LAMA2: variants seen among roughly 807,000 people sequenced by gnomAD.
The protein encoded by LAMA2 is laminin subunit alpha-2.
Under a neutral mutation model 364.8 loss-of-function variants are expected in LAMA2, and 269 were observed. The observed-to-expected ratio is 0.74, with a 90% CI of 0.67 to 0.82. The LOEUF is 0.82. Among genes scored for constraint, LAMA2 ranks in the 40% least tolerant of loss-of-function variants. The pLI is 0.00. For missense variants in LAMA2, 3,807 were observed against 3,873.2 expected (o/e 0.98, Z 0.45); for synonymous variants, 1,379 against 1,370.6 (o/e 1.01, Z -0.14).
At position 129,481,303 on chromosome 6, in the gene LAMA2, A is replaced by C; in HGVS notation, c.7613A>C (p.Glu2538Ala). 1 of 1,613,802 alleles carries C rather than the reference A, an allele frequency of 6.2e-7. No individual in the cohort carries two copies. Among genetic ancestry groups the C allele is most frequent in the Non-Finnish European group, 8.5e-7 (1 of 1,179,836 alleles). ...TVSFPKPGFVELSPVPIDVGT... is the reference protein window; with the variant it reads ...TVSFPKPGFVALSPVPIDVGT... ...AGCTTTCCTAAGCCTGGTTTTGTGG[A>C]GCTCTCCCCTGTGCCAATTGATGTA... The change falls in exon 55 of 65, where the codon GAG becomes GCG. Residue 2538 changes from glutamate (E) to alanine (A), a missense_variant. Around this residue, in one of 3 missense-constraint regions of LAMA2, gnomAD observed 3,333 missense variants for 3,345.7 expected, o/e 1.00. Transcript: ENST00000421865.
chr6:129,460,154 T>C, intron 48 of LAMA2, 46 bp from the exon 49 acceptor site: 3 of 1,593,926 alleles, frequency 1.9e-6, no homozygotes, highest in Admixed American at 1.7e-5. Context: ...CCAAGATTAT[T>C]TGTGAAATTC....
In LAMA2 at chr6:129,009,922, A is replaced by C. The variant is rs577825757; in HGVS notation, c.113-39996A>C. ...CACCTCTGCTTTTGAAGGATATTAA[A>C]GGTGAGATTAAAAATGCTCCAGTTG... On this transcript the variant is annotated intron_variant, in intron 1 of 64. Transcript: ENST00000421865. Among the ~76,000 whole-genome samples, 29 of 152,298 alleles carry C rather than the reference A, an allele frequency of 1.9e-4. No individual in the cohort carries two copies. The South Asian group carries it at 5.8e-3, about 30-fold the overall frequency.
chr6:129,167,614 A>G (rs535298461), intron 9 of LAMA2, among the ~76,000 whole-genome samples: 3 of 152,242 alleles, frequency 2.0e-5, no homozygotes, highest in South Asian at 2.1e-4. Context: ...TAATGCCGCA[A>G]TAAACATACG....
chr6:129,326,466 T>A (rs911217442), intron 28 of LAMA2, among the ~76,000 whole-genome samples: 2 of 152,082 alleles, frequency 1.3e-5, no homozygotes, highest in Admixed American at 1.3e-4. Flanking sequence ...AATTCCTCGA[T>A]GAGGAGTATT....
At chr6:129,363,239 G>T (rs930492448) in intron 32 of LAMA2, among the ~76,000 whole-genome samples, 2 of 152,148 alleles carry the variant, frequency 1.3e-5, no homozygotes, top group Non-Finnish European at 2.9e-5. Context: ...AGGAGTTTGA[G>T]GCCGCAGTGA....
intron 9 of LAMA2, among the ~76,000 whole-genome samples, chr6:129,173,126 C>CT (rs1028635243): frequency 3.0e-4 from 46 of 152,316 alleles, no homozygotes; most frequent in African/African-American, 1.0e-3. Context: ...CAGAAATCAC[C>CT]GTCTTCTGCG....
At chr6:129,402,607 G>C in intron 39 of LAMA2, 120 bp downstream of exon 39, 1 of 998,456 alleles carries the variant, frequency 1.0e-6, no homozygotes, top group South Asian at 1.4e-5. Flanking sequence ...GAACACACTA[G>C]CTATATGGCC....
intron 1 of LAMA2, among the ~76,000 whole-genome samples, chr6:129,021,609 T>C (rs1328204710): frequency 6.6e-6 from 1 of 152,178 alleles, no homozygotes; most frequent in Admixed American, 6.5e-5. Flanking sequence ...AGAGAAAAGG[T>C]AGGAGACTGA....
chr6:128,980,563 A>C (rs796913166), intron 1 of LAMA2, among the ~76,000 whole-genome samples: 18 of 152,164 alleles, frequency 1.2e-4, no homozygotes, highest in African/African-American at 4.1e-4. Flanking sequence ...TAAGTTTAGG[A>C]AACTGATGTT....
intron 19 of LAMA2, among the ~76,000 whole-genome samples, chr6:129,289,224 A>C (rs1337902890): frequency 6.6e-6 from 1 of 152,194 alleles, no homozygotes; most frequent in Non-Finnish European, 1.5e-5. Flanking sequence ...GCCTTTAAAC[A>C]CTGGATTCCT....
intron 1 of LAMA2, among the ~76,000 whole-genome samples, chr6:129,039,371 C>G (rs1562177788): frequency 6.6e-6 from 1 of 152,128 alleles, no homozygotes; most frequent in Non-Finnish European, 1.5e-5. Flanking sequence ...AGGAAGAGAT[C>G]AGTTCACTAG....
chr6:129,476,821 G>A (rs769489135), intron 53 of LAMA2, among the ~76,000 whole-genome samples: 2 of 151,306 alleles, frequency 1.3e-5, no homozygotes, highest in South Asian at 2.1e-4. Context: ...CTGACTGAAC[G>A]AAAAGAAAAC....
chr6:129,308,548 A>G (rs1774019234), intron 22 of LAMA2, among the ~76,000 whole-genome samples: 1 of 152,132 alleles, frequency 6.6e-6, no homozygotes, highest in Non-Finnish European at 1.5e-5. Context: ...CTGTTGACTA[A>G]AGTTGACTGA....
chr6:129,104,984 ATAATATGACTGGG>A (rs1214175456), intron 4 of LAMA2, among the ~76,000 whole-genome samples: 1 of 152,192 alleles, frequency 6.6e-6, no homozygotes, highest in Non-Finnish European at 1.5e-5. Context: ...AGGCAAGATA[ATAATATGACTGGG>A]TATGTCGTTA....
chr6:129,318,243 A>G (rs1292831395), intron 27 of LAMA2, among the ~76,000 whole-genome samples: 1 of 152,132 alleles, frequency 6.6e-6, no homozygotes, highest in East Asian at 1.9e-4. Context: ...TGAGGTTTGA[A>G]CTTTGTACAT....
At chr6:129,490,398 T>C (rs903169685) in intron 56 of LAMA2, among the ~76,000 whole-genome samples, 3 of 152,156 alleles carry the variant, frequency 2.0e-5, no homozygotes. Context: ...ACCCTGTGAA[T>C]TGGTTTAAAA....
intron 25 of LAMA2, 53 bp from the exon 26 acceptor site, chr6:129,315,709 T>G (rs1774547326): frequency 6.2e-7 from 1 of 1,611,638 alleles, no homozygotes; most frequent in African/African-American, 1.3e-5. Context: ...CTTTTTAGAA[T>G]CACACCATTT....
At chr6:129,210,776 AAAATAAAGG>A (rs1783048117) in intron 12 of LAMA2, among the ~76,000 whole-genome samples, 2 of 152,174 alleles carry the variant, frequency 1.3e-5, no homozygotes, top group Admixed American at 6.5e-5. Context: ...AAAAACAAAC[AAAATAAAGG>A]ATTCAAATGG....
At chr6:129,144,215 T>C (rs966552600) in intron 5 of LAMA2, 135 bp downstream of exon 5, 2 of 524,838 alleles carry the variant, frequency 3.8e-6, no homozygotes, top group Non-Finnish European at 6.5e-6. Context: ...AATTGTAGAT[T>C]ATTATTATTA....
Sources: allele counts gnomAD v4.1 joint callset (sites outside exome capture counted in the v4.1 genomes callset), GRCh38; gene constraint gnomAD v4.1.1; regional missense constraint gnomAD v4.1.1; transcripts MANE v1.5; gene names NCBI Gene and HGNC (gene_info 2026-07-23, HGNC 2026-07-21).